Variants in LETM1 observed in about 807,000 individuals in gnomAD.
The protein encoded by LETM1 is mitochondrial proton/calcium exchanger protein.
LETM1 carries 50 observed loss-of-function variants against 74.5 expected under a neutral mutation model. The ratio of observed to expected loss-of-function variants is 0.67; its 90% CI spans 0.53 to 0.85. The LOEUF is 0.85. Among genes scored for constraint, LETM1 ranks in the 40% least tolerant of loss-of-function variants. LETM1 has a pLI of 0.00. For missense variants in LETM1, 824 were observed against 967.8 expected, an observed-to-expected ratio of 0.85 and a Z score of 1.97; for synonymous variants, 446 against 407.1, an observed-to-expected ratio of 1.10 and a Z score of -1.15.
chr4:1,838,208 T>C (rs998461096), intron 3 of LETM1, among the ~76,000 whole-genome samples: 2 of 152,072 alleles, frequency 1.3e-5, no homozygotes, highest in Non-Finnish European at 2.9e-5. Flanking sequence ...CAAGTGATTC[T>C]CCTGCCTCAG....
rs530457738 is a variant in LETM1 at position 1,836,121 on chromosome 4, G to A, written c.738+308C>T. Among the ~76,000 whole-genome samples the A allele has an allele frequency of 1.4e-3, 210 of 151,956 alleles. No homozygotes were observed. Among genetic ancestry groups the A allele is most frequent in the African/African-American group, 4.9e-3 (201 of 41,418 alleles). ...CCCAGCTACTTGGGAGGCTGAGGCA[G>A]GAGATTCGCTTGAACCCGGGAGGCA... On this transcript the variant is annotated intron_variant, in intron 4 of 13. Coordinates refer to ENST00000302787, the MANE Select transcript of LETM1 (RefSeq NM_012318.3). The surrounding 1 kb of genome is among the most constrained non-coding windows in gnomAD (Gnocchi z 5.8).
At chr4:1,820,064 G>A (rs541993156) in intron 10 of LETM1, among the ~76,000 whole-genome samples, 1 of 152,276 alleles carries the variant, frequency 6.6e-6, no homozygotes, top group East Asian at 1.9e-4. Flanking sequence ...AGCCTCCCCA[G>A]GAGCTGGGAC....
At chr4:1,816,288 G>A (rs570675677) in intron 12 of LETM1, among the ~76,000 whole-genome samples, 8 of 152,328 alleles carry the variant, frequency 5.3e-5, no homozygotes, top group African/African-American at 9.6e-5. Context: ...TGTTTCATTC[G>A]CCCAGAAGGG....
chr4:1,833,863 C>T (rs1206028846), intron 5 of LETM1: 3 of 152,394 alleles, frequency 2.0e-5, no homozygotes, highest in Non-Finnish European at 2.9e-5. Flanking sequence ...AGCACACCCC[C>T]GTGCAGGTGA....
Position 1,841,500 on chromosome 4 carries a change from C to G in LETM1, c.441G>C (p.Val147=), listed in dbSNP as rs944925756. ...GGPVYSPPAE[V]VVKKSLGQRV... is the part of the protein sequence containing the mutation. ...GCTGCCCCAGGGACTTCTTCACCAC[C>G]ACCTCTGCGGGGGGGCTGTACACCG... is the stretch of plus-strand genomic sequence containing the variant. Residue 147 remains valine, a synonymous_variant, in exon 3 of 14, where the codon GTG becomes GTC. Transcript: ENST00000302787. 7 of 1,614,160 alleles carry G rather than the reference C, an allele frequency of 4.3e-6. No homozygotes were observed. Among genetic ancestry groups the G allele is most frequent in the Non-Finnish European group, 1.7e-6 (2 of 1,180,068 alleles).
intron 2 of LETM1, 65 bp from the exon 3 acceptor site, chr4:1,841,862 G>A (rs531273087): frequency 3.6e-5 from 44 of 1,208,326 alleles, no homozygotes; most frequent in South Asian, 3.5e-4. Flanking sequence ...GCTCAGCACC[G>A]AACACCAACA....
chr4:1,821,513 ACC>A, intron 10 of LETM1, among the ~76,000 whole-genome samples: 1 of 149,426 alleles, frequency 6.7e-6, no homozygotes, highest in East Asian at 2.0e-4. Flanking sequence ...ACATGGTGAA[ACC>A]CCCTGTCTAC....
At chr4:1,848,696 A>T (rs1281876418) in intron 2 of LETM1, among the ~76,000 whole-genome samples, 1 of 145,486 alleles carries the variant, frequency 6.9e-6, no homozygotes, top group East Asian at 2.0e-4. Context: ...AGTCTGGGTG[A>T]CAGAGCAAGG....
At chr4:1,849,100 A>C in intron 2 of LETM1, 49 bp downstream of exon 2, 1 of 1,338,768 alleles carries the variant, frequency 7.5e-7, no homozygotes, top group Non-Finnish European at 1.1e-6. Context: ...CACCATTTTC[A>C]AACCCTGTTT....
In LETM1 at chr4:1,816,801, G is replaced by A. The variant is rs763264804; in HGVS notation, c.1857C>T (p.Ile619=). Reference sequence around the variant, plus strand: ...TCTCCAGCTGCGAGATCAAGCCATCGATCTGCCCGATCATTTGCTGCACCC... The same window carrying A: ...TCTCCAGCTGCGAGATCAAGCCATCAATCTGCCCGATCATTTGCTGCACCC... ...TKRVQQMIGQ[I]DGLISQLEMD... Residue 619 remains isoleucine (I), a synonymous_variant, in exon 12 of 14, where the codon ATC becomes ATT. Coordinates refer to ENST00000302787, the MANE Select transcript of LETM1 (RefSeq NM_012318.3). The A allele has an allele frequency of 5.0e-6, 8 of 1,614,218 alleles. No homozygotes were observed. In the Admixed American group the frequency reaches 5.0e-5, roughly 10 times the overall value.
At chr4:1,820,645 G>A (rs1469293524) in intron 10 of LETM1, among the ~76,000 whole-genome samples, 14 of 152,214 alleles carry the variant, frequency 9.2e-5, no homozygotes, top group Admixed American at 9.2e-4. Flanking sequence ...AACAGATACT[G>A]GGTTCTGCCA....
intron 6 of LETM1, 24 bp from the exon 7 acceptor site, chr4:1,825,707 T>C (rs751762652): frequency 6.2e-7 from 1 of 1,600,548 alleles, no homozygotes; most frequent in African/African-American, 1.3e-5. Context: ...CAGTGAATTA[T>C]CATCTGGGAC....
intron 13 of LETM1, 56 bp from the exon 14 acceptor site, chr4:1,814,629 G>A: frequency 6.6e-7 from 1 of 1,519,922 alleles, no homozygotes; most frequent in East Asian, 2.3e-5. Flanking sequence ...GCACAGTGAG[G>A]CAGAGGCGGG....
rs190542828 is a variant in LETM1 at position 1,841,762 on chromosome 4, G to T, written c.179C>A (p.Pro60His). The T allele has an allele frequency of 1.2e-6, 2 of 1,613,836 alleles. No individual in the cohort carries two copies. The highest frequency in any genetic ancestry group is 2.7e-5 in the African/African-American group (2 of 75,072). Residue 60 changes from proline to histidine, a missense_variant, in exon 3 of 14, where the codon CCT becomes CAT. Physicochemically the swap from Pro to His is moderately conservative, Grantham distance 77. Coordinates refer to ENST00000302787, the MANE Select transcript of LETM1 (RefSeq NM_012318.3). ...VPFGCCTPIH[P>H]VYTSSRGDHL... ...ATCGCCTCTGGAGGATGTGTACACA[G>T]GGTGGATGGGAGTGCAGCAGCCAAA... is the stretch of plus-strand genomic sequence containing the variant.
chr4:1,816,787 G>C lies in LETM1; in HGVS notation c.1871C>G (p.Ser624Trp), dbSNP rs1197164649. ...QMIGQIDGLI[S>W]QLEMDQQAGK... The stretch of plus-strand genomic sequence containing the variant: ...AGCCTGCTGGTCCATCTCCAGCTGC[G>C]AGATCAAGCCATCGATCTGCCCGAT... Residue 624 changes from serine to tryptophan, a missense_variant, in exon 12 of 14, where the codon TCG becomes TGG. Ser to Trp is a radical substitution (Grantham distance 177, BLOSUM62 -3). Around this residue, in one of 4 missense-constraint regions of LETM1, gnomAD observed 161 missense variants for 252.7 expected, o/e 0.64. Transcript: ENST00000302787. 6.2e-7 allele frequency: 1 copy of C among 1,614,218 alleles called. No homozygotes were observed. The highest frequency in any genetic ancestry group is 1.1e-5 in the South Asian group (1 of 91,088).
In LETM1 at chr4:1,830,506, T is replaced by C. The variant is rs573162409; in HGVS notation, c.1080+2238A>G. The stretch of plus-strand genomic sequence containing the variant: ...TCATCAAGCCCAGCTAATTTTTAAA[T>C]TTTTTTGTAGAGGTGGGGGGTCTCA... On this transcript the variant is annotated intron_variant, in intron 6 of 13. Transcript: ENST00000302787. 7.2e-5 allele frequency among the ~76,000 whole-genome samples: 11 copies of C among 152,196 alleles called. No homozygotes were observed. In the East Asian group the frequency reaches 1.9e-3, roughly 27 times the overall value.
At chr4:1,818,925 T>C (rs1207166528) in intron 11 of LETM1, among the ~76,000 whole-genome samples, 1 of 151,628 alleles carries the variant, frequency 6.6e-6, no homozygotes, top group Non-Finnish European at 1.5e-5. Flanking sequence ...CTACTAAAAA[T>C]ACAAAAAATT....
chr4:1,815,893 C>A (rs958568333), intron 12 of LETM1, 91 bp from the exon 13 acceptor site: 1 of 1,514,162 alleles, frequency 6.6e-7, no homozygotes, highest in Non-Finnish European at 9.0e-7. Context: ...GTGGTCAGCA[C>A]TGACACAGGC....
At chr4:1,825,714 G>C (rs905874950) in intron 6 of LETM1, 31 bp from the exon 7 acceptor site, 1 of 1,587,096 alleles carries the variant, frequency 6.3e-7, no homozygotes, top group Non-Finnish European at 8.6e-7. Flanking sequence ...TTATCATCTG[G>C]GACAGTTGCT....
Sources: allele counts gnomAD v4.1 joint callset (sites outside exome capture counted in the v4.1 genomes callset), GRCh38; gene constraint gnomAD v4.1.1; regional missense constraint gnomAD v4.1.1; non-coding constraint Gnocchi (gnomAD v3.1); transcripts MANE v1.5; gene names NCBI Gene and HGNC (gene_info 2026-07-23, HGNC 2026-07-21).